The following HTR2C variants were observed in gnomAD, a reference collection of about 807,000 sequenced individuals.
The protein encoded by HTR2C is 5-hydroxytryptamine receptor 2C, also known as 5-hydroxytryptamine (serotonin) receptor 2C, G protein-coupled.
A neutral mutation model predicts 21.0 loss-of-function variants in HTR2C; 5 were observed. The ratio of observed to expected loss-of-function variants is 0.24; its 90% CI spans 0.12 to 0.50. The LOEUF is 0.50. HTR2C is among the 20% of genes least tolerant of loss of function. The pLI, the probability that HTR2C is intolerant of heterozygous loss-of-function variation, is 0.98. For missense variants in HTR2C, 271 were observed against 371.2 expected, an observed-to-expected ratio of 0.73 and a Z score of 2.22; for synonymous variants, 150 against 145.3, an observed-to-expected ratio of 1.03 and a Z score of -0.23.
At chrX:114,775,200 C>T (rs1413717792) in intron 4 of HTR2C, 2 of 517,156 alleles carry the variant, frequency 3.9e-6, no homozygotes, top group Non-Finnish European at 3.5e-6. Flanking sequence ...CTTTGTACTT[C>T]TCAGCTTACC....
chrX:114,899,237 C>A (rs1322200179), intron 5 of HTR2C, among the ~76,000 whole-genome samples: 1 of 111,457 alleles, frequency 9.0e-6, no homozygotes, highest in Admixed American at 9.6e-5. Flanking sequence ...CAGGCTCCAC[C>A]CTGTTGCTGG....
At chrX:114,761,931 A>G (rs782536911) in intron 4 of HTR2C, among the ~76,000 whole-genome samples, 1 of 20,312 alleles carries the variant, frequency 4.9e-5, no homozygotes, top group Non-Finnish European at 1.8e-4. Context: ...GTATATATAC[A>G]TATATGTGTA....
intron 2 of HTR2C, among the ~76,000 whole-genome samples, chrX:114,671,964 A>T (rs113707937): frequency 8.9e-6 from 1 of 111,865 alleles, no homozygotes; most frequent in Non-Finnish European, 1.9e-5. Flanking sequence ...GAATAATAAC[A>T]GTACCCAAAC....
intron 2 of HTR2C, among the ~76,000 whole-genome samples, chrX:114,700,442 G>T (rs896012138): frequency 9.0e-5 from 10 of 111,596 alleles, no homozygotes; most frequent in African/African-American, 3.3e-4. Context: ...CAATATAATG[G>T]CTTTAAATGA....
intron 4 of HTR2C, among the ~76,000 whole-genome samples, chrX:114,843,331 T>C (rs1277095287): frequency 3.6e-5 from 4 of 111,353 alleles, no homozygotes; most frequent in Non-Finnish European, 7.6e-5. Context: ...TTATAATAAC[T>C]GAAATGAAAA....
chrX:114,792,189 C>T (rs1400929537), intron 4 of HTR2C, among the ~76,000 whole-genome samples: 1 of 111,268 alleles, frequency 9.0e-6, no homozygotes, highest in African/African-American at 3.3e-5. Flanking sequence ...AAATGTGTGT[C>T]ATGGTAGTTT....
chrX:114,874,774 G>T (rs1556477606), intron 5 of HTR2C, among the ~76,000 whole-genome samples: 1 of 111,393 alleles, frequency 9.0e-6, no homozygotes, highest in East Asian at 2.8e-4. Flanking sequence ...CTCCCAAAGT[G>T]CTGGGATTAC....
At chrX:114,714,994 G>C (rs1183742066) in intron 2 of HTR2C, among the ~76,000 whole-genome samples, 4 of 111,861 alleles carry the variant, frequency 3.6e-5, no homozygotes, top group Non-Finnish European at 5.6e-5. Context: ...TCAGTTTTCT[G>C]TATTCATGAC....
At position 114,906,445 on chromosome X, in the gene HTR2C, A is replaced by T. The variant is rs781937770; in HGVS notation, c.551-144A>T. On this transcript the variant is annotated intron_variant, in intron 5 of 5. Coordinates refer to ENST00000276198, the MANE Select transcript of HTR2C (RefSeq NM_000868.4). Reference sequence around the variant, plus strand: ...TGCCATACTGCTAGTGTTTCATGTGACTATCGATTATGCCGTGAATAGCTT... The same window carrying T: ...TGCCATACTGCTAGTGTTTCATGTGTCTATCGATTATGCCGTGAATAGCTT... The T allele has an allele frequency of 1.8e-5, 8 of 449,190 alleles. No homozygotes were observed. The East Asian group carries it at 2.6e-4, about 15-fold the overall frequency. The allele number at this position is 449,190 out of a possible 1,213,427, so 37.0% of individuals were successfully genotyped here.
chrX:114,780,076 A>C (rs1442558007), intron 4 of HTR2C, among the ~76,000 whole-genome samples: 2 of 112,005 alleles, frequency 1.8e-5, no homozygotes, highest in African/African-American at 6.5e-5. Flanking sequence ...TATTCACATA[A>C]GATTTACATT....
At chrX:114,611,699 A>G (rs782750721) in intron 1 of HTR2C, among the ~76,000 whole-genome samples, 1 of 109,568 alleles carries the variant, frequency 9.1e-6, no homozygotes, top group African/African-American at 3.4e-5. Context: ...GGTTTTTTTT[A>G]GTTTTTTTCT....
chrX:114,851,201 A>G (rs1441789542), intron 5 of HTR2C, among the ~76,000 whole-genome samples: 1 of 111,979 alleles, frequency 8.9e-6, no homozygotes, highest in Non-Finnish European at 1.9e-5. Flanking sequence ...CAGCGATTGT[A>G]TGAAAACAAT....
chrX:114,642,081 C>CT (rs1390005081), intron 2 of HTR2C, among the ~76,000 whole-genome samples: 1 of 112,008 alleles, frequency 8.9e-6, no homozygotes, highest in Non-Finnish European at 1.9e-5. Flanking sequence ...GATCTTGTTC[C>CT]TTTTTATGGC....
At chrX:114,644,117 C>T (rs930340106) in intron 2 of HTR2C, among the ~76,000 whole-genome samples, 3 of 107,553 alleles carry the variant, frequency 2.8e-5, no homozygotes, top group Non-Finnish European at 5.7e-5. Flanking sequence ...CGGAGGCAGG[C>T]GGGTCACTTG....
At chrX:114,681,381 C>T (rs782106976) in intron 2 of HTR2C, among the ~76,000 whole-genome samples, 1 of 110,621 alleles carries the variant, frequency 9.0e-6, no homozygotes, top group East Asian at 2.8e-4. Flanking sequence ...TGTACTTTTA[C>T]TTGCTGTATT....
intron 5 of HTR2C, among the ~76,000 whole-genome samples, chrX:114,859,493 T>C (rs1359865284): frequency 2.7e-5 from 3 of 111,833 alleles, no homozygotes; most frequent in Non-Finnish European, 3.8e-5. Context: ...TTTATTGGCA[T>C]CAAGTGGTGT....
At position 114,909,882 on chromosome X, in the gene HTR2C, A is replaced by G. The variant is rs1305823990; in HGVS notation, c.*2467A>G. On this transcript the variant is annotated 3_prime_UTR_variant, in exon 6 of 6. Coordinates refer to ENST00000276198, the MANE Select transcript of HTR2C (RefSeq NM_000868.4). Reference sequence around the variant, plus strand: ...CATTTTGATGTATTATTATATATGTATATCTGTGTAAGACACGTGCAACAG... The same window carrying G: ...CATTTTGATGTATTATTATATATGTGTATCTGTGTAAGACACGTGCAACAG... The G allele has an allele frequency of 8.9e-6, 1 of 112,555 alleles. No homozygotes were observed. Among genetic ancestry groups the G allele is most frequent in the African/African-American group, 3.2e-5 (1 of 31,000 alleles). 9.3% of individuals were successfully genotyped at this position (112,555 alleles called of 1,213,427 possible). A position where few individuals can be genotyped will look rare whatever the true frequency, so the allele number is the denominator to read the frequency against.
intron 4 of HTR2C, among the ~76,000 whole-genome samples, chrX:114,806,979 A>ATG (rs1171920971): frequency 2.9e-5 from 3 of 101,840 alleles, no homozygotes; most frequent in Non-Finnish European, 4.0e-5. Context: ...TATATACCAT[A>ATG]TATATACCAC....
At chrX:114,853,092 G>C (rs2147493895) in intron 5 of HTR2C, among the ~76,000 whole-genome samples, 1 of 111,053 alleles carries the variant, frequency 9.0e-6, no homozygotes, top group Admixed American at 9.6e-5. Context: ...AATCCCATAA[G>C]TGAGAAATGT....
Sources: allele counts gnomAD v4.1 joint callset (sites outside exome capture counted in the v4.1 genomes callset), GRCh38; gene constraint gnomAD v4.1.1; transcripts MANE v1.5; gene names NCBI Gene and HGNC (gene_info 2026-07-23, HGNC 2026-07-21).